ZNF490: variants seen among roughly 807,000 people sequenced by gnomAD.
ZNF490 encodes the protein zinc finger protein 490.
In ZNF490, 11 loss-of-function variants were observed where a neutral mutation model predicts 17.7. That is an observed-to-expected ratio of 0.62 (90% CI 0.39 to 1.03). The LOEUF is 1.03. Among genes scored for constraint, ZNF490 ranks in the 50% least tolerant of loss-of-function variants. The pLI is 0.00. For synonymous variants in ZNF490, 222 were observed against 216.1 expected (o/e 1.03, Z -0.24); for missense variants, 542 against 643.4 (o/e 0.84, Z 1.71).
chr19:12,578,175 C>T lies in ZNF490; in HGVS notation c.*2310G>A, dbSNP rs1449156289. 9 of 985,400 alleles carry T rather than the reference C, an allele frequency of 9.1e-6. No homozygotes were observed. Among genetic ancestry groups the T allele is most frequent in the South Asian group, 4.7e-5 (1 of 21,284 alleles). 61.0% of individuals were successfully genotyped at this position (985,400 alleles called of 1,614,324 possible). ...GCAGGATGCATGTGACATGCACTGA[C>T]GTGAGAAGGCCGGAGCATCATCAGT... On this transcript the variant is annotated 3_prime_UTR_variant, in exon 5 of 5. Coordinates refer to ENST00000311437, the MANE Select transcript of ZNF490 (RefSeq NM_020714.3).
At chr19:12,600,459 G>C (rs1403601004) in intron 2 of ZNF490, among the ~76,000 whole-genome samples, 1 of 152,062 alleles carries the variant, frequency 6.6e-6, no homozygotes, top group Non-Finnish European at 1.5e-5. Flanking sequence ...AAATCATAGA[G>C]GAAGCAAAGT....
chr19:12,577,867 T>C lies in ZNF490; in HGVS notation c.*2618A>G. 18 of 985,342 alleles carry C rather than the reference T, an allele frequency of 1.8e-5. No individual in the cohort carries two copies. The highest frequency in any genetic ancestry group is 2.2e-5 in the Non-Finnish European group (18 of 829,954). 61.0% of individuals were successfully genotyped at this position (985,342 alleles called of 1,614,324 possible). A position where few individuals can be genotyped will look rare whatever the true frequency, so the allele number is the denominator to read the frequency against. ...CTGCCACCTCCCTTCTAAAACACAC[T>C]GACTTGCTAAGAAAAGGGGGGACTG... On this transcript the variant is annotated 3_prime_UTR_variant, in exon 5 of 5. Coordinates refer to ENST00000311437, the MANE Select transcript of ZNF490 (RefSeq NM_020714.3).
In ZNF490 at chr19:12,580,133, C is replaced by A; in HGVS notation, c.*352G>T. On this transcript the variant is annotated 3_prime_UTR_variant, in exon 5 of 5. Transcript: ENST00000311437. ...AACAAAAACAAAAACAAAAAACAAACCCCACAAAAGATGGGATGGATATAG... is the reference window on the plus strand; with the variant it reads ...AACAAAAACAAAAACAAAAAACAAAACCCACAAAAGATGGGATGGATATAG... The A allele has an allele frequency of 2.0e-6, 2 of 1,018,324 alleles. No homozygotes were observed. Among genetic ancestry groups the A allele is most frequent in the South Asian group, 9.1e-5 (2 of 21,980 alleles). 63.1% of individuals were successfully genotyped at this position (1,018,324 alleles called of 1,614,324 possible). A position where few individuals can be genotyped will look rare whatever the true frequency, so the allele number is the denominator to read the frequency against.
intron 1 of ZNF490, among the ~76,000 whole-genome samples, chr19:12,610,299 C>T (rs1372438182): frequency 6.8e-6 from 1 of 146,904 alleles, no homozygotes; most frequent in East Asian, 2.0e-4. Flanking sequence ...TCAGCCCACC[C>T]ACCCCCCGAC....
At chr19:12,601,129 C>G (rs1443714686) in intron 2 of ZNF490, among the ~76,000 whole-genome samples, 1 of 152,010 alleles carries the variant, frequency 6.6e-6, no homozygotes, top group Non-Finnish European at 1.5e-5. Flanking sequence ...TGGCTTACGC[C>G]TGTAATCCCA....
intron 1 of ZNF490, chr19:12,610,102 T>C: frequency 1.0e-5 from 4 of 388,262 alleles, no homozygotes; most frequent in Admixed American, 3.2e-5. Context: ...GCACGTCTCA[T>C]AGATCGTGAT....
chr19:12,578,638 G>A lies in ZNF490; in HGVS notation c.*1847C>T, dbSNP rs796589315. 2.0e-6 allele frequency: 2 copies of A among 985,378 alleles called. No homozygotes were observed. Among genetic ancestry groups the A allele is most frequent in the African/African-American group, 1.7e-5 (1 of 57,250 alleles). 61.0% of individuals were successfully genotyped at this position (985,378 alleles called of 1,614,324 possible). ...CCCACTTGGGGAAAAACTGTAAGAT[G>A]CGAACCTTTGTCTTAGAAGTACAGC... On this transcript the variant is annotated 3_prime_UTR_variant, in exon 5 of 5. Transcript: ENST00000311437.
At chr19:12,609,717 C>T (rs1035896982) in intron 1 of ZNF490, among the ~76,000 whole-genome samples, 3 of 151,986 alleles carry the variant, frequency 2.0e-5, no homozygotes, top group East Asian at 1.9e-4. Context: ...ATCCTAAGTG[C>T]GATGATGCAA....
In ZNF490 at chr19:12,583,287, C is replaced by T; in HGVS notation, c.289+143G>A. 5.4e-6 allele frequency: 5 copies of T among 928,134 alleles called. No individual in the cohort carries two copies. The South Asian group carries it at 9.7e-5, about 18-fold the overall frequency. The allele number at this position is 928,134 out of a possible 1,614,324, so 57.5% of individuals were successfully genotyped here. A position where few individuals can be genotyped will look rare whatever the true frequency, so the allele number is the denominator to read the frequency against. On this transcript the variant is annotated intron_variant, in intron 3 of 4. Transcript: ENST00000311437. ...GACTCCTGACCTCTTAATCCGCCCG[C>T]CTCAGCCTCCCAAAGCACTGGGATT...
intron 2 of ZNF490, among the ~76,000 whole-genome samples, chr19:12,592,917 T>A (rs1361652347): frequency 2.0e-5 from 3 of 152,206 alleles, no homozygotes; most frequent in African/African-American, 7.2e-5. Context: ...TAATGACAAT[T>A]CACACCATGA....
intron 2 of ZNF490, among the ~76,000 whole-genome samples, chr19:12,583,955 C>A (rs944649902): frequency 6.6e-6 from 1 of 151,184 alleles, no homozygotes; most frequent in Admixed American, 6.6e-5. Flanking sequence ...GGACTACAGG[C>A]GCCCACCACC....
In ZNF490 at chr19:12,610,741, A is replaced by G; in HGVS notation, c.-61T>C. The G allele has an allele frequency of 6.5e-7, 1 of 1,530,772 alleles. No individual in the cohort carries two copies. The highest frequency in any genetic ancestry group is 9.0e-7 in the Non-Finnish European group (1 of 1,110,558). The allele number at this position is 1,530,772 out of a possible 1,614,324, so 94.8% of individuals were successfully genotyped here. A position where few individuals can be genotyped will look rare whatever the true frequency, so the allele number is the denominator to read the frequency against. ...TTCCGTGTCCGACCCGAGATCCGGAACAATTTCTGCTTCAACACAATTGTC... is the reference window on the plus strand; with the variant it reads ...TTCCGTGTCCGACCCGAGATCCGGAGCAATTTCTGCTTCAACACAATTGTC... On this transcript the variant is annotated 5_prime_UTR_variant, in exon 1 of 5. Coordinates refer to ENST00000311437, the MANE Select transcript of ZNF490 (RefSeq NM_020714.3).
intron 2 of ZNF490, among the ~76,000 whole-genome samples, chr19:12,606,786 T>A (rs1461423427): frequency 6.6e-6 from 1 of 152,172 alleles, no homozygotes; most frequent in Non-Finnish European, 1.5e-5. Flanking sequence ...AAGTATCATT[T>A]CCATATGGTA....
intron 4 of ZNF490, 101 bp from the exon 5 acceptor site, chr19:12,581,825 G>T: frequency 1.8e-6 from 2 of 1,089,936 alleles, no homozygotes; most frequent in Non-Finnish European, 2.6e-6. Context: ...CACAGAAACT[G>T]TATGTTATCT....
At chr19:12,583,593 G>A in intron 2 of ZNF490, 37 bp from the exon 3 acceptor site, 4 of 1,535,242 alleles carry the variant, frequency 2.6e-6, no homozygotes, top group Non-Finnish European at 3.5e-6. Flanking sequence ...GAGGAGGAGA[G>A]AGATTCGCAG....
intron 2 of ZNF490, among the ~76,000 whole-genome samples, chr19:12,596,972 G>T (rs956798297): frequency 6.6e-6 from 1 of 152,136 alleles, no homozygotes; most frequent in Non-Finnish European, 1.5e-5. Context: ...AGGGCTCCGG[G>T]GCCGGGGCCG....
chr19:12,586,127 C>A (rs1233741032), intron 2 of ZNF490, among the ~76,000 whole-genome samples: 1 of 90,918 alleles, frequency 1.1e-5, no homozygotes, highest in Non-Finnish European at 2.9e-5. Context: ...CATAGCAAAA[C>A]CCCATCTCTA....
In ZNF490 at chr19:12,580,399, A is replaced by G. The variant is rs1231702820; in HGVS notation, c.*86T>C. On this transcript the variant is annotated 3_prime_UTR_variant, in exon 5 of 5. Transcript: ENST00000311437. The stretch of plus-strand genomic sequence containing the variant: ...CTGAAGGCTTAATCACACCGTTTAC[A>G]TTCCTTGAATTTCTCTCCAGCGTAA... 1 of 1,507,092 alleles carries G rather than the reference A, an allele frequency of 6.6e-7. No individual in the cohort carries two copies. The highest frequency in any genetic ancestry group is 8.8e-7 in the Non-Finnish European group (1 of 1,131,486). 93.4% of individuals were successfully genotyped at this position (1,507,092 alleles called of 1,614,324 possible). A position where few individuals can be genotyped will look rare whatever the true frequency, so the allele number is the denominator to read the frequency against.
At chr19:12,598,336 G>A (rs565808680) in intron 2 of ZNF490, among the ~76,000 whole-genome samples, 2 of 152,154 alleles carry the variant, frequency 1.3e-5, no homozygotes, top group South Asian at 4.2e-4. Flanking sequence ...ATTGTTAAGT[G>A]CACTGTAAAA....
Sources: allele counts gnomAD v4.1 joint callset (sites outside exome capture counted in the v4.1 genomes callset), GRCh38; gene constraint gnomAD v4.1.1; transcripts MANE v1.5; gene names NCBI Gene and HGNC (gene_info 2026-07-23, HGNC 2026-07-21).